Variants in CBFA2T2 observed in about 807,000 individuals in gnomAD.
CBFA2T2 encodes CBFA2/RUNX1 partner transcriptional co-repressor 2.
CBFA2T2 carries 11 observed loss-of-function variants against 62.2 expected under a neutral mutation model. The ratio of observed to expected loss-of-function variants is 0.18; its 90% CI spans 0.11 to 0.29. The LOEUF (loss-of-function observed/expected upper bound fraction) is 0.29. Among genes scored for constraint, CBFA2T2 ranks in the 10% least tolerant of loss-of-function variants. The pLI, the probability that CBFA2T2 is intolerant of heterozygous loss-of-function variation, is 1.00. For missense variants in CBFA2T2, 592 were observed against 774.1 expected (o/e 0.76, Z 2.79); for synonymous variants, 295 against 287.5 (o/e 1.03, Z -0.27).
Position 33,611,393 on chromosome 20 carries a change from C to T in CBFA2T2, c.420+58C>T, listed in dbSNP as rs61134100. 1,899 of 1,591,746 alleles carry T rather than the reference C, an allele frequency of 1.2e-3. 17 individuals carry two copies. The African/African-American group carries it at 0.021, about 18-fold the overall frequency. ...CTGAGTATGTGGCTCAGGTCCAAAG[C>T]GAGCAAAGTTCTAGATATTTCTGCT... On this transcript the variant is annotated intron_variant, in intron 3 of 10. Coordinates refer to ENST00000342704, the MANE Select transcript of CBFA2T2 (RefSeq NM_001032999.3).
At chr20:33,552,020 A>G (rs2012755396) in intron 1 of CBFA2T2, among the ~76,000 whole-genome samples, 1 of 151,266 alleles carries the variant, frequency 6.6e-6, no homozygotes, top group Admixed American at 6.6e-5. Context: ...CAAACATCAG[A>G]ATTGTTGTTC....
chr20:33,644,449 C>T lies in CBFA2T2; in HGVS notation c.1591C>T (p.His531Tyr). Residue 531 changes from histidine (H) to tyrosine (Y), a missense_variant, in exon 11 of 11, where the codon CAC becomes TAC. Transcript: ENST00000342704. The part of the protein sequence containing the change: ...FCQHKDWERH[H>Y]RLCGQNLHGQ... ...CCAGCACAAGGACTGGGAGCGGCAC[C>T]ACCGCCTCTGTGGTCAGAACCTGCA... 1 of 1,614,234 alleles carries T rather than the reference C, an allele frequency of 6.2e-7. No individual in the cohort carries two copies. Among genetic ancestry groups the T allele is most frequent in the Non-Finnish European group, 8.5e-7 (1 of 1,180,044 alleles).
chr20:33,527,861 A>G (rs564634410), intron 1 of CBFA2T2, among the ~76,000 whole-genome samples: 40 of 151,600 alleles, frequency 2.6e-4, no homozygotes. Flanking sequence ...TATATATTTT[A>G]TGTTTGTTTT....
At chr20:33,571,953 C>T (rs906185786) in intron 1 of CBFA2T2, among the ~76,000 whole-genome samples, 1 of 152,178 alleles carries the variant, frequency 6.6e-6, no homozygotes, top group Non-Finnish European at 1.5e-5. Context: ...TGCAGTGGCA[C>T]AATCCCGGCT....
At chr20:33,497,239 C>T (rs1296598366) in intron 1 of CBFA2T2, among the ~76,000 whole-genome samples, 1 of 144,260 alleles carries the variant, frequency 6.9e-6, no homozygotes, top group African/African-American at 2.6e-5. Context: ...CGCCATTGCA[C>T]TCCAGCCTGG....
chr20:33,508,579 C>T (rs370528665), intron 1 of CBFA2T2, among the ~76,000 whole-genome samples: 15 of 152,130 alleles, frequency 9.9e-5, no homozygotes, highest in East Asian at 3.8e-4. Flanking sequence ...CCTCCTCCCA[C>T]CCTCCACTTT....
intron 6 of CBFA2T2, among the ~76,000 whole-genome samples, chr20:33,626,967 G>A (rs1207323734): frequency 6.6e-6 from 1 of 152,160 alleles, no homozygotes; most frequent in Non-Finnish European, 1.5e-5. Flanking sequence ...AAATCACTTA[G>A]CTAATAATTG....
chr20:33,531,315 G>C (rs560385499), intron 1 of CBFA2T2, among the ~76,000 whole-genome samples: 5 of 152,252 alleles, frequency 3.3e-5, no homozygotes, highest in African/African-American at 9.6e-5. Flanking sequence ...AGAGGGGAGC[G>C]TTAACTAAAG....
At chr20:33,623,690 G>A (rs1332333792) in intron 5 of CBFA2T2, 6 of 652,196 alleles carry the variant, frequency 9.2e-6, no homozygotes, top group Non-Finnish European at 1.7e-5. Context: ...CCAAAGTGCT[G>A]GGATTATATG....
chr20:33,595,778 G>T (rs1055891192), intron 1 of CBFA2T2, among the ~76,000 whole-genome samples: 1 of 151,962 alleles, frequency 6.6e-6, no homozygotes, highest in African/African-American at 2.4e-5. Context: ...GAGCTGACTC[G>T]ATCCACCTGC....
intron 1 of CBFA2T2, among the ~76,000 whole-genome samples, chr20:33,536,966 G>T (rs1475515284): frequency 3.3e-5 from 5 of 151,398 alleles, no homozygotes; most frequent in African/African-American, 1.2e-4. Context: ...TTCCTAGACG[G>T]GATGGCGGCC....
intron 1 of CBFA2T2, among the ~76,000 whole-genome samples, chr20:33,529,744 TA>T (rs370500025): frequency 0.97 from 129,667 of 133,382 alleles, 63,063 homozygotes; most frequent in Non-Finnish European, 1. Flanking sequence ...AGAAAGCAGT[TA>T]TATATATATA....
At position 33,629,883 on chromosome 20, in the gene CBFA2T2, C is replaced by T. The variant is rs746650304; in HGVS notation, c.1197C>T (p.His399=). 9.9e-6 allele frequency: 16 copies of T among 1,613,662 alleles called. No individual in the cohort carries two copies. The highest frequency in any genetic ancestry group is 1.7e-5 in the Admixed American group (1 of 59,910). ...GGACCGAGTTGGTCTCCAGGCAGCA[C>T]AGCCCTGGGAGTGCAGATTCTCTCA... ...KTGTELVSRQ[H]SPGSADSLSN... The change falls in exon 8 of 11, where the codon CAC becomes CAT. Residue 399 remains histidine, a synonymous_variant. Transcript: ENST00000342704.
At chr20:33,581,499 T>C (rs865813096) in intron 1 of CBFA2T2, among the ~76,000 whole-genome samples, 2 of 152,296 alleles carry the variant, frequency 1.3e-5, no homozygotes, top group East Asian at 1.9e-4. Context: ...TGTGTGTGTG[T>C]GTCTGTGTGT....
chr20:33,505,476 A>T (rs545701045), intron 1 of CBFA2T2, among the ~76,000 whole-genome samples: 1 of 152,102 alleles, frequency 6.6e-6, no homozygotes, highest in East Asian at 1.9e-4. Flanking sequence ...CAGAAAAAAA[A>T]TGGTTGAATA....
chr20:33,596,280 T>A (rs967425007), intron 1 of CBFA2T2, among the ~76,000 whole-genome samples: 3 of 152,228 alleles, frequency 2.0e-5, no homozygotes, highest in African/African-American at 7.2e-5. Context: ...GTCTCTTAAA[T>A]GTTAATATAT....
intron 1 of CBFA2T2, among the ~76,000 whole-genome samples, chr20:33,559,193 T>TTTTTTTTTTTTTTTTTTTTTTTC (rs1555835221): frequency 6.9e-6 from 1 of 143,928 alleles, no homozygotes; most frequent in African/African-American, 2.8e-5. Flanking sequence ...TTTTTTTTTT[T>TTTTTTTTTTTTTTTTTTTTTTTC]CTGAGATGGA....
intron 1 of CBFA2T2, among the ~76,000 whole-genome samples, chr20:33,576,014 C>T (rs1349827153): frequency 6.6e-6 from 1 of 151,966 alleles, no homozygotes; most frequent in East Asian, 1.9e-4. Flanking sequence ...GCCTCGATCT[C>T]CTGATCTCGT....
At chr20:33,628,003 G>T (rs753055406) in intron 6 of CBFA2T2, among the ~76,000 whole-genome samples, 1 of 152,096 alleles carries the variant, frequency 6.6e-6, no homozygotes, top group East Asian at 1.9e-4. Flanking sequence ...TTAATTATTC[G>T]CATTGCACCA....
Sources: allele counts gnomAD v4.1 joint callset (sites outside exome capture counted in the v4.1 genomes callset), GRCh38; gene constraint gnomAD v4.1.1; transcripts MANE v1.5; gene names NCBI Gene and HGNC (gene_info 2026-07-23, HGNC 2026-07-21).